Variants in ELF5 observed in about 807,000 individuals in gnomAD.
The protein encoded by ELF5 is ETS-related transcription factor Elf-5.
In ELF5, 31 loss-of-function variants were observed where a neutral mutation model predicts 38.2. The ratio of observed to expected loss-of-function variants is 0.81; its 90% CI spans 0.61 to 1.10. The LOEUF (loss-of-function observed/expected upper bound fraction) is 1.10, where lower values mean the gene tolerates loss of function less well. ELF5 is among the 50% of genes least tolerant of loss of function. ELF5 has a pLI of 0.00. For synonymous variants in ELF5, 121 were observed against 112.5 expected (o/e 1.08, Z -0.48); for missense variants, 300 against 306.6 (o/e 0.98, Z 0.16).
intron 1 of ELF5, among the ~76,000 whole-genome samples, chr11:34,509,348 CA>C (rs1850695051): frequency 6.6e-6 from 1 of 152,098 alleles, no homozygotes; most frequent in Admixed American, 6.5e-5. Flanking sequence ...ACAACAACAA[CA>C]AAAACGTGCA....
At chr11:34,510,216 G>A (rs1396906889) in intron 1 of ELF5, among the ~76,000 whole-genome samples, 1 of 151,676 alleles carries the variant, frequency 6.6e-6, no homozygotes, top group East Asian at 1.9e-4. Flanking sequence ...TTAAGTTTTT[G>A]TAAAGGGCCT....
chr11:34,505,904 C>G, intron 1 of ELF5, 151 bp from the exon 2 acceptor site: 3 of 926,462 alleles, frequency 3.2e-6, no homozygotes, highest in Non-Finnish European at 4.6e-6. Flanking sequence ...GTGTCACCTA[C>G]GAGTGACATT....
chr11:34,492,350 G>A (rs1305299863), intron 3 of ELF5: 2 of 152,268 alleles, frequency 1.3e-5, no homozygotes, highest in Non-Finnish European at 2.9e-5. Context: ...CACAGAGCAG[G>A]AGGGTCCTCT....
rs988131526 is a variant in ELF5 at position 34,482,592 on chromosome 11, C to T, written c.407-93G>A. 8.9e-6 allele frequency: 9 copies of T among 1,014,396 alleles called. No individual in the cohort carries two copies. In the Admixed American group the frequency reaches 1.9e-4, roughly 22 times the overall value. The allele number at this position is 1,014,396 out of a possible 1,614,324, so 62.8% of individuals were successfully genotyped here. On this transcript the variant is annotated intron_variant, in intron 4 of 6. Coordinates refer to ENST00000257832, the MANE Select transcript of ELF5 (RefSeq NM_001422.4). ...CAAATGAGCAAATACTAATTGAATG[C>T]CTTTGTAGTAGAAGACACCACATTA... is the stretch of plus-strand genomic sequence containing the variant.
chr11:34,495,846 C>T (rs1224131867), intron 2 of ELF5, among the ~76,000 whole-genome samples: 1 of 152,202 alleles, frequency 6.6e-6, no homozygotes, highest in African/African-American at 2.4e-5. Context: ...AGGGGCCATT[C>T]CTGAGTTCGG....
chr11:34,490,679 T>G (rs542345067), intron 3 of ELF5, among the ~76,000 whole-genome samples: 1 of 152,004 alleles, frequency 6.6e-6, no homozygotes, highest in African/African-American at 2.4e-5. Context: ...TGGGCTGGGG[T>G]TGAATGAGGA....
chr11:34,495,825 C>T (rs1480563481), intron 2 of ELF5, among the ~76,000 whole-genome samples: 1 of 152,206 alleles, frequency 6.6e-6, no homozygotes, highest in Non-Finnish European at 1.5e-5. Flanking sequence ...GCAGGGGTTC[C>T]TGGCAGAACA....
rs1850240510 is a variant in ELF5, at chr11:34,493,691, G to C, written c.143C>G (p.Ser48Ter). ...CTTAGTCCAGTATTCAGGGTGGACT[G>C]ATGTCCAGTATGAGTCACAGGCTGC... ...HQTACDSYWTSVHPEYWTKRH... is the reference protein window; with the variant it reads ...HQTACDSYWT Residue 48 changes from serine to a stop codon, truncating the protein, a stop_gained, in exon 3 of 7, where the codon TCA (serine) becomes TGA (stop). Coordinates refer to ENST00000257832, the MANE Select transcript of ELF5 (RefSeq NM_001422.4). LOFTEE classifies it high-confidence loss of function. 1 of 1,614,120 alleles carries C rather than the reference G, an allele frequency of 6.2e-7. No homozygotes were observed. The highest frequency in any genetic ancestry group is 8.5e-7 in the Non-Finnish European group (1 of 1,179,946).
chr11:34,511,469 G>A, intron 1 of ELF5: 2 of 1,597,406 alleles, frequency 1.3e-6, no homozygotes, highest in Middle Eastern at 1.7e-4. Flanking sequence ...AGTAGGAAAA[G>A]CTCAAGAATG....
At chr11:34,484,791 T>G (rs10836249) in intron 4 of ELF5, among the ~76,000 whole-genome samples, 92,052 of 151,938 alleles carry the variant, frequency 0.61, 29,393 homozygotes, top group African/African-American at 0.79. Context: ...GCTTCCCAAC[T>G]TTTTCCCTTC....
intron 2 of ELF5, among the ~76,000 whole-genome samples, chr11:34,503,717 G>T (rs1437114670): frequency 1.3e-5 from 2 of 152,230 alleles, no homozygotes; most frequent in Non-Finnish European, 2.9e-5. Flanking sequence ...CTTCCAAAGT[G>T]CTAGGATTAC....
At chr11:34,495,452 G>A (rs185652070) in intron 2 of ELF5, among the ~76,000 whole-genome samples, 3 of 152,204 alleles carry the variant, frequency 2.0e-5, no homozygotes, top group African/African-American at 7.2e-5. Flanking sequence ...GGCGCTACGC[G>A]TTCTTGTCGT....
intron 2 of ELF5, among the ~76,000 whole-genome samples, chr11:34,501,252 A>G (rs985906008): frequency 1.3e-5 from 2 of 152,134 alleles, no homozygotes; most frequent in African/African-American, 4.8e-5. Context: ...CATCTTCTCA[A>G]CTGTCACTTC....
chr11:34,493,656 A>T lies in ELF5; in HGVS notation c.178T>A (p.Trp60Arg). 6.2e-7 allele frequency: 1 copy of T among 1,614,220 alleles called. No individual in the cohort carries two copies. Among genetic ancestry groups the T allele is most frequent in the Non-Finnish European group, 8.5e-7 (1 of 1,180,042 alleles). Residue 60 changes from tryptophan to arginine, a missense_variant, in exon 3 of 7, where the codon TGG becomes AGG. Transcript: ENST00000257832. ...TCGCAGCAGAACTGGAGCCACTCCCACACATGGCGCTTAGTCCAGTATTCA... is the reference window on the plus strand; with the variant it reads ...TCGCAGCAGAACTGGAGCCACTCCCTCACATGGCGCTTAGTCCAGTATTCA... ...HPEYWTKRHV[W>R]EWLQFCCDQY...
At chr11:34,500,035 G>T (rs974383434) in intron 2 of ELF5, among the ~76,000 whole-genome samples, 1 of 152,200 alleles carries the variant, frequency 6.6e-6, no homozygotes, top group Admixed American at 6.5e-5. Context: ...CTGAATGACA[G>T]TAAGTTTTCA....
chr11:34,485,365 C>T (rs537191029), intron 4 of ELF5, among the ~76,000 whole-genome samples: 2 of 152,304 alleles, frequency 1.3e-5, no homozygotes, highest in Admixed American at 6.5e-5. Context: ...ACCTTCCCCA[C>T]CCTTATGAGA....
chr11:34,484,565 T>C (rs2133873114), intron 4 of ELF5, among the ~76,000 whole-genome samples: 1 of 152,078 alleles, frequency 6.6e-6, no homozygotes, highest in East Asian at 1.9e-4. Context: ...TCGTCTAGTA[T>C]GTACACTGTC....
chr11:34,491,925 A>G (rs1403021961), intron 3 of ELF5: 1 of 152,300 alleles, frequency 6.6e-6, no homozygotes, highest in Admixed American at 6.5e-5. Context: ...TTGCCAGGGA[A>G]GAGAGGTGCT....
intron 2 of ELF5, among the ~76,000 whole-genome samples, chr11:34,497,853 G>A (rs1419335647): frequency 6.6e-6 from 1 of 152,216 alleles, no homozygotes; most frequent in African/African-American, 2.4e-5. Context: ...ACTTTGTGAT[G>A]AACAATCTGA....
Sources: gnomAD v4.1 joint callset for allele counts (sites outside exome capture counted in the v4.1 genomes callset) on GRCh38, gnomAD v4.1.1 for gene constraint, MANE v1.5 for transcripts, NCBI Gene and HGNC (gene_info 2026-07-23, HGNC 2026-07-21) for gene names.